The following SYNPR variants were observed in gnomAD, a reference collection of about 807,000 sequenced individuals.
The protein encoded by SYNPR is synaptoporin.
Under a neutral mutation model 32.9 loss-of-function variants are expected in SYNPR, and 23 were observed. The ratio of observed to expected loss-of-function variants is 0.70; its 90% CI spans 0.50 to 0.99. The LOEUF is 0.99. Ranked by LOEUF, SYNPR falls within the 50% of genes least tolerant of loss-of-function variation. The pLI is 0.00. For synonymous variants in SYNPR, 146 were observed against 135.9 expected, an observed-to-expected ratio of 1.07 and a Z score of -0.52; for missense variants, 318 against 349.3, an observed-to-expected ratio of 0.91 and a Z score of 0.71.
chr3:63,278,394 C>T lies in SYNPR; in HGVS notation c.-140C>T. On this transcript the variant is annotated 5_prime_UTR_variant, in exon 1 of 6. Transcript: ENST00000478300. ...GTTAGCGGGTGGGCTCCCCGAGGCC[C>T]CCTGCCCTCGCCGGGCTGCTCCAGG... 2 of 1,143,072 alleles carry T rather than the reference C, an allele frequency of 1.7e-6. No individual in the cohort carries two copies. The highest frequency in any genetic ancestry group is 2.4e-6 in the Non-Finnish European group (2 of 823,706). The allele number at this position is 1,143,072 out of a possible 1,614,324, so 70.8% of individuals were successfully genotyped here.
At chr3:63,527,436 C>T (rs769349534) in intron 3 of SYNPR, among the ~76,000 whole-genome samples, 1 of 151,958 alleles carries the variant, frequency 6.6e-6, no homozygotes, top group Non-Finnish European at 1.5e-5. Flanking sequence ...AATATGCAAG[C>T]AGCAATCAGT....
At chr3:63,575,336 C>T (rs963552914) in intron 4 of SYNPR, among the ~76,000 whole-genome samples, 40 of 152,268 alleles carry the variant, frequency 2.6e-4, no homozygotes, top group African/African-American at 9.6e-4. Flanking sequence ...TTCCTACCAG[C>T]CTCTCTGGCC....
At chr3:63,479,471 C>CAT (rs71631155) in intron 2 of SYNPR, among the ~76,000 whole-genome samples, 23 of 152,230 alleles carry the variant, frequency 1.5e-4, no homozygotes, top group Admixed American at 9.2e-4. Flanking sequence ...CACACACACA[C>CAT]GTGACTCACA....
intron 2 of SYNPR, among the ~76,000 whole-genome samples, chr3:63,258,559 C>CAATCTGAAGGAA: frequency 2.0e-5 from 3 of 152,260 alleles, no homozygotes; most frequent in Admixed American, 6.5e-5. Flanking sequence ...ATCTCTGGGG[C>CAATCTGAAGGAA]ATATTCAAAG....
chr3:63,452,585 G>C (rs1480874839), intron 2 of SYNPR, among the ~76,000 whole-genome samples: 1 of 152,098 alleles, frequency 6.6e-6, no homozygotes, highest in Non-Finnish European at 1.5e-5. Context: ...AGCACTTTCT[G>C]TTTACCAGGC....
At chr3:63,341,718 A>G (rs1323426909) in intron 2 of SYNPR, among the ~76,000 whole-genome samples, 1 of 152,136 alleles carries the variant, frequency 6.6e-6, no homozygotes, top group Non-Finnish European at 1.5e-5. Flanking sequence ...GAGTTCTAAG[A>G]GTTCTTTATG....
intron 5 of SYNPR, among the ~76,000 whole-genome samples, chr3:63,609,628 C>T (rs755529183): frequency 6.6e-6 from 1 of 152,104 alleles, no homozygotes; most frequent in Non-Finnish European, 1.5e-5. Context: ...GAACTTTGGC[C>T]GGACGCAATG....
chr3:63,578,126 T>C (rs552065060), intron 4 of SYNPR, among the ~76,000 whole-genome samples: 1 of 152,278 alleles, frequency 6.6e-6, no homozygotes, highest in South Asian at 2.1e-4. Context: ...CCAAGATGTG[T>C]GCAATCCAAG....
At chr3:63,344,120 A>T (rs1179279626) in intron 2 of SYNPR, among the ~76,000 whole-genome samples, 1 of 152,224 alleles carries the variant, frequency 6.6e-6, no homozygotes, top group Non-Finnish European at 1.5e-5. Flanking sequence ...TCAGTTTAAA[A>T]TCTGCCCTCC....
At chr3:63,527,298 G>A (rs569676093) in intron 3 of SYNPR, among the ~76,000 whole-genome samples, 1 of 152,222 alleles carries the variant, frequency 6.6e-6, no homozygotes, top group South Asian at 2.1e-4. Flanking sequence ...TCTGATGATA[G>A]TGTCCATGTC....
At chr3:63,477,941 C>T (rs1167904084) in intron 2 of SYNPR, among the ~76,000 whole-genome samples, 3 of 152,304 alleles carry the variant, frequency 2.0e-5, no homozygotes, top group East Asian at 3.9e-4. Flanking sequence ...GCACTCTAAA[C>T]TTGCTAAGTC....
intron 3 of SYNPR, among the ~76,000 whole-genome samples, chr3:63,511,044 T>G (rs1179498415): frequency 6.6e-6 from 1 of 151,254 alleles, no homozygotes; most frequent in African/African-American, 2.4e-5. Context: ...GCCCCAGGCC[T>G]CCTGATTCTG....
intron 2 of SYNPR, among the ~76,000 whole-genome samples, chr3:63,290,135 A>G (rs191883048): frequency 1.5e-5 from 2 of 133,294 alleles, no homozygotes; most frequent in Non-Finnish European, 3.3e-5. Context: ...GTCTCAAAAA[A>G]CAAAAAAACT....
chr3:63,527,707 G>T (rs1440172189), intron 3 of SYNPR, among the ~76,000 whole-genome samples: 1 of 152,148 alleles, frequency 6.6e-6, no homozygotes, highest in East Asian at 1.9e-4. Flanking sequence ...AAGCCTCCTT[G>T]TTTCCCCTTC....
At chr3:63,483,805 A>G (rs1326416057) in intron 3 of SYNPR, among the ~76,000 whole-genome samples, 2 of 152,204 alleles carry the variant, frequency 1.3e-5, no homozygotes, top group Non-Finnish European at 2.9e-5. Flanking sequence ...AATTTGAAGT[A>G]GGAGATTATA....
At chr3:63,505,150 A>T (rs1204941917) in intron 3 of SYNPR, among the ~76,000 whole-genome samples, 1 of 152,178 alleles carries the variant, frequency 6.6e-6, no homozygotes, top group African/African-American at 2.4e-5. Context: ...CTTTAGACAC[A>T]TGTAATTTTC....
chr3:63,239,090 C>T (rs1313925874), intron 1 of SYNPR, among the ~76,000 whole-genome samples: 1 of 152,068 alleles, frequency 6.6e-6, no homozygotes, highest in Admixed American at 6.6e-5. Flanking sequence ...GTTGTATGTG[C>T]ACAGGCTCCT....
chr3:63,403,321 G>A (rs1440736460), intron 2 of SYNPR, among the ~76,000 whole-genome samples: 3 of 152,020 alleles, frequency 2.0e-5, no homozygotes, highest in African/African-American at 4.8e-5. Context: ...TAGAGTCCAC[G>A]AAGCCTTGGT....
chr3:63,263,732 T>A (rs762815908), intron 2 of SYNPR, among the ~76,000 whole-genome samples: 1 of 152,192 alleles, frequency 6.6e-6, no homozygotes, highest in African/African-American at 2.4e-5. Context: ...CATCTAGGAC[T>A]TCTTCTTACC....
Sources: allele counts gnomAD v4.1 joint callset (sites outside exome capture counted in the v4.1 genomes callset), GRCh38; gene constraint gnomAD v4.1.1; transcripts MANE v1.5; gene names NCBI Gene and HGNC (gene_info 2026-07-23, HGNC 2026-07-21).